Variants in FRMD6 observed in about 807,000 individuals in gnomAD.
FRMD6 encodes FERM domain containing 6, also known as FERM domain-containing protein 6.
In FRMD6, 37 loss-of-function variants were observed where a neutral mutation model predicts 73.2. The ratio of observed to expected loss-of-function variants is 0.51; its 90% CI spans 0.39 to 0.66. The LOEUF (loss-of-function observed/expected upper bound fraction) is 0.66. Among genes scored for constraint, FRMD6 ranks in the 30% least tolerant of loss-of-function variants. The pLI, the probability that FRMD6 is intolerant of heterozygous loss-of-function variation, is 0.00. For synonymous variants in FRMD6, 273 were observed against 282.2 expected (o/e 0.97, Z 0.33); for missense variants, 714 against 780.5 (o/e 0.91, Z 1.02).
rs540369904 is a variant in FRMD6 at position 51,497,234 on chromosome 14, CT to C, written c.-210+7832del. On this transcript the variant is annotated intron_variant, in intron 1 of 14. Coordinates refer to the FRMD6 transcript ENST00000356218. ...TTCTTGATTCCATCTTCTGAAATAA[CT>C]TTTTTTTTTTTTTTTTTAAGAAACA... is the stretch of plus-strand genomic sequence containing the variant. Among the ~76,000 whole-genome samples, 696 of 137,794 alleles carry C rather than the reference CT, an allele frequency of 5.1e-3. 1 individual carries two copies. The highest frequency in any genetic ancestry group is 0.015 in the Middle Eastern group (4 of 268). The allele number at this position is 137,794 out of a possible 152,430, so 90.4% of individuals were successfully genotyped here.
chr14:51,728,714 A>T lies in FRMD6; in HGVS notation c.*685A>T, dbSNP rs1376204343. 1 of 152,656 alleles carries T rather than the reference A, an allele frequency of 6.6e-6. No homozygotes were observed. The highest frequency in any genetic ancestry group is 1.5e-5 in the Non-Finnish European group (1 of 68,048). 9.5% of individuals were successfully genotyped at this position (152,656 alleles called of 1,614,324 possible). On this transcript the variant is annotated 3_prime_UTR_variant, in exon 14 of 14. Coordinates refer to ENST00000344768, the MANE Select transcript of FRMD6 (RefSeq NM_001267046.2). ...TTGTGATCTTCCAGAAAGCTCCAGG[A>T]TTCATTTGAGTTCCACATCCAAGTA...
At chr14:51,404,519 GTGT>G in the FRMD6 span, among the ~76,000 whole-genome samples, 3 of 151,994 alleles carry the variant, frequency 2.0e-5, no homozygotes, top group African/African-American at 7.2e-5. Context: ...AAAAATGTTA[GTGT>G]TGTTGGCATT....
Position 51,701,148 on chromosome 14 carries a change from G to A in FRMD6, c.283G>A (p.Glu95Lys), listed in dbSNP as rs760183707. 62 of 1,554,470 alleles carry A rather than the reference G, an allele frequency of 4.0e-5. No individual in the cohort carries two copies. The highest frequency in any genetic ancestry group is 2.2e-4 in the Admixed American group (12 of 54,478). ...AGAGGCCAGCAAGGTACGACAATAC[G>A]AAGTCACTTGGGTGAGATTACATTT... ...KKEASKVRQY[E>K]VTWGIDQFGP... The change falls in exon 4 of 14, where the codon GAA becomes AAA. Residue 95 changes from glutamate (E) to lysine (K), a missense_variant. Transcript: ENST00000344768.
rs3060588 is a variant in FRMD6, at chr14:51,596,248, GGTGTGTGTGTGT to G, written c.-147+25857_-147+25868del. 3.4e-5 allele frequency among the ~76,000 whole-genome samples: 5 copies of G among 147,602 alleles called. No homozygotes were observed. The South Asian group carries it at 8.8e-4, about 26-fold the overall frequency. On this transcript the variant is annotated intron_variant, in intron 2 of 14. Coordinates refer to the FRMD6 transcript ENST00000356218. ...TGTGGAATTTCCAAGAGGAGAGCCT[GGTGTGTGTGTGT>G]GTGTGTGTGTGTGTGTGTATGGGTA...
chr14:51,630,301 C>T (rs780717665), intron 2 of FRMD6, among the ~76,000 whole-genome samples: 1 of 151,904 alleles, frequency 6.6e-6, no homozygotes, highest in Non-Finnish European at 1.5e-5. Flanking sequence ...GTTCTATAAT[C>T]GTCATTTTAC....
intron 1 of FRMD6, among the ~76,000 whole-genome samples, chr14:51,569,624 C>T (rs1035228720): frequency 1.3e-5 from 2 of 150,620 alleles, no homozygotes; most frequent in Non-Finnish European, 3.0e-5. Context: ...CCACCTCAGC[C>T]TTCCTGGTAG....
intron 1 of FRMD6, among the ~76,000 whole-genome samples, chr14:51,660,761 G>A (rs1268078998): frequency 6.6e-6 from 1 of 152,178 alleles, no homozygotes; most frequent in Non-Finnish European, 1.5e-5. Context: ...GACAGTAGGA[G>A]TGCTGGGGGA....
the FRMD6 span, among the ~76,000 whole-genome samples, chr14:51,427,276 C>T: frequency 2.0e-5 from 3 of 152,310 alleles, no homozygotes; most frequent in Admixed American, 2.0e-4. Flanking sequence ...TTACTGTTGT[C>T]TGCCATGCAT....
intron 1 of FRMD6, among the ~76,000 whole-genome samples, chr14:51,527,706 G>C (rs1885340033): frequency 6.6e-6 from 1 of 152,196 alleles, no homozygotes; most frequent in Admixed American, 6.5e-5. Flanking sequence ...AGTGGTCCTA[G>C]ATTTTTCATG....
Position 51,715,456 on chromosome 14 carries a change from G to A in FRMD6, c.981G>A (p.Leu327=), listed in dbSNP as rs377223633. 3 of 1,613,502 alleles carry A rather than the reference G, an allele frequency of 1.9e-6. No individual in the cohort carries two copies. Among genetic ancestry groups the A allele is most frequent in the African/African-American group, 2.7e-5 (2 of 74,900 alleles). ...ACAGCCACCGCCTCTATATGAATCT[G>A]CAGCCTGTCCTGCGCCATATCCGGA... The part of the protein sequence containing the change: ...LSNSHRLYMN[L]QPVLRHIRKL... The change falls in exon 10 of 14, where the codon CTG becomes CTA. Residue 327 remains leucine (L), a synonymous_variant. Coordinates refer to ENST00000344768, the MANE Select transcript of FRMD6 (RefSeq NM_001267046.2).
chr14:51,478,194 A>T, the FRMD6 span, among the ~76,000 whole-genome samples: 3 of 152,254 alleles, frequency 2.0e-5, no homozygotes, highest in Non-Finnish European at 4.4e-5. Flanking sequence ...TGAAATTATT[A>T]TAGGATCACA....
intron 1 of FRMD6, among the ~76,000 whole-genome samples, chr14:51,557,426 T>C (rs1596594756): frequency 6.6e-6 from 1 of 152,068 alleles, no homozygotes; most frequent in Non-Finnish European, 1.5e-5. Flanking sequence ...CTCACCTCTT[T>C]GTAGAATCTA....
chr14:51,429,549 A>G, the FRMD6 span, among the ~76,000 whole-genome samples: 2 of 152,120 alleles, frequency 1.3e-5, no homozygotes, highest in African/African-American at 4.8e-5. Flanking sequence ...TCCCTAAGTA[A>G]ACTACTTTTA....
At chr14:51,706,824 T>A in intron 6 of FRMD6, among the ~76,000 whole-genome samples, 1 of 152,156 alleles carries the variant, frequency 6.6e-6, no homozygotes, top group East Asian at 1.9e-4. Flanking sequence ...ACCTTAACCT[T>A]TTCTATTTCA....
At chr14:51,561,477 C>T (rs549903882) in intron 1 of FRMD6, among the ~76,000 whole-genome samples, 2 of 152,268 alleles carry the variant, frequency 1.3e-5, no homozygotes, top group East Asian at 1.9e-4. Context: ...AGGGAGCAGC[C>T]GGGGAAGTAT....
intron 1 of FRMD6, among the ~76,000 whole-genome samples, chr14:51,494,107 A>G (rs1883163290): frequency 1.3e-5 from 2 of 150,232 alleles, no homozygotes; most frequent in Non-Finnish European, 2.9e-5. Flanking sequence ...CATGCAGACA[A>G]TATCATTCTG....
chr14:51,605,140 T>C (rs1890198416), intron 2 of FRMD6, among the ~76,000 whole-genome samples: 1 of 1,646 alleles, frequency 6.1e-4, no homozygotes, highest in Non-Finnish European at 2.1e-3. Flanking sequence ...TGCAGGTTTC[T>C]TTTTTTTTTT....
intron 2 of FRMD6, among the ~76,000 whole-genome samples, chr14:51,579,621 T>A (rs1169720643): frequency 6.6e-6 from 1 of 152,218 alleles, no homozygotes; most frequent in Non-Finnish European, 1.5e-5. Flanking sequence ...TAGTCAATGC[T>A]TAAGAACAAT....
At chr14:51,613,397 A>T (rs1290909090) in intron 2 of FRMD6, among the ~76,000 whole-genome samples, 3 of 152,322 alleles carry the variant, frequency 2.0e-5, no homozygotes, top group Non-Finnish European at 4.4e-5. Flanking sequence ...GAGATGGAGC[A>T]GTATCGGGGT....
Sources: gnomAD v4.1 joint callset for allele counts (sites outside exome capture counted in the v4.1 genomes callset) on GRCh38, gnomAD v4.1.1 for gene constraint, MANE v1.5 for transcripts, NCBI Gene and HGNC (gene_info 2026-07-23, HGNC 2026-07-21) for gene names.